The following CCDC91 variants were observed in gnomAD, a reference collection of about 807,000 sequenced individuals.
The protein encoded by CCDC91 is coiled-coil domain containing 91.
In CCDC91, 48 loss-of-function variants were observed where a neutral mutation model predicts 63.2. That is an observed-to-expected ratio of 0.76 (90% confidence interval 0.60 to 0.97). The LOEUF (loss-of-function observed/expected upper bound fraction) is 0.97, where lower values mean the gene tolerates loss of function less well. Ranked by LOEUF, CCDC91 falls within the 50% of genes least tolerant of loss-of-function variation. The pLI, the probability that CCDC91 is intolerant of heterozygous loss-of-function variation, is 0.00. For missense variants in CCDC91, 500 were observed against 494.6 expected, an observed-to-expected ratio of 1.01 and a Z score of -0.10; for synonymous variants, 167 against 165.8, an observed-to-expected ratio of 1.01 and a Z score of -0.06.
rs1241008212 is a variant in CCDC91, at chr12:28,550,029, A to G, written c.*856A>G. 2 of 152,490 alleles carry G rather than the reference A, an allele frequency of 1.3e-5. No homozygotes were observed. Among genetic ancestry groups the G allele is most frequent in the Non-Finnish European group, 2.9e-5 (2 of 67,978 alleles). 9.4% of individuals were successfully genotyped at this position (152,490 alleles called of 1,614,324 possible). On this transcript the variant is annotated 3_prime_UTR_variant, in exon 13 of 13. Coordinates refer to ENST00000536442, the MANE Select transcript of CCDC91 (RefSeq NM_018318.5). ...GATGCTTCAATGCAAAATCATGAAT[A>G]TTTTTAATTCAAAACTAAAATGTCA... is the stretch of plus-strand genomic sequence containing the variant.
intron 3 of CCDC91, among the ~76,000 whole-genome samples, chr12:28,287,793 A>T (rs893330018): frequency 9.9e-5 from 15 of 152,194 alleles, no homozygotes; most frequent in Admixed American, 3.3e-4. Context: ...TGCTTTGGGC[A>T]GTATGGCCAT....
rs372498858 is a variant in CCDC91, at chr12:28,507,544, G to C, written c.1215+23379G>C. Among the ~76,000 whole-genome samples the C allele has an allele frequency of 1.1e-4, 17 of 152,068 alleles. No homozygotes were observed. The East Asian group carries it at 2.9e-3, about 26-fold the overall frequency. On this transcript the variant is annotated intron_variant, in intron 12 of 12. Transcript: ENST00000536442. ...CCAAGGGATTTATACAAACTATTCT[G>C]AATATTTGTCAGTTGTCTTTTCTTC...
intron 3 of CCDC91, among the ~76,000 whole-genome samples, chr12:28,300,717 T>C (rs1937973661): frequency 6.6e-6 from 1 of 151,624 alleles, no homozygotes; most frequent in Non-Finnish European, 1.5e-5. Flanking sequence ...GGGATTTTTA[T>C]GATATTTAGA....
At chr12:28,409,364 T>A (rs1947171161) in intron 8 of CCDC91, among the ~76,000 whole-genome samples, 1 of 152,170 alleles carries the variant, frequency 6.6e-6, no homozygotes, top group Non-Finnish European at 1.5e-5. Context: ...TTTTCATATA[T>A]TCCCTTATCC....
chr12:28,317,851 C>T (rs569204557), intron 6 of CCDC91, among the ~76,000 whole-genome samples: 4 of 151,862 alleles, frequency 2.6e-5, no homozygotes, highest in Non-Finnish European at 5.9e-5. Context: ...TCAGTATTTG[C>T]AGATACTGAT....
At chr12:28,323,039 C>T (rs1940666689) in intron 6 of CCDC91, among the ~76,000 whole-genome samples, 1 of 150,466 alleles carries the variant, frequency 6.6e-6, no homozygotes, top group South Asian at 2.1e-4. Flanking sequence ...TTTATAAGAA[C>T]CTTTATATAT....
intron 1 of CCDC91, among the ~76,000 whole-genome samples, chr12:28,201,612 T>C (rs28392645): frequency 6.9e-6 from 1 of 144,266 alleles, no homozygotes; most frequent in Non-Finnish European, 1.5e-5. Context: ...CGCTCCTCAC[T>C]TCCCAGACGG....
intron 3 of CCDC91, among the ~76,000 whole-genome samples, chr12:28,277,969 A>G (rs568622403): frequency 6.6e-6 from 1 of 152,108 alleles, no homozygotes; most frequent in Non-Finnish European, 1.5e-5. Flanking sequence ...CTCCCGGCAC[A>G]TATTTGCAAT....
intron 7 of CCDC91, among the ~76,000 whole-genome samples, chr12:28,363,890 A>G (rs1418291183): frequency 1.3e-5 from 2 of 150,596 alleles, no homozygotes; most frequent in Admixed American, 6.6e-5. Context: ...AAAAAAAAAA[A>G]AAAAAAAAGA....
intron 12 of CCDC91, among the ~76,000 whole-genome samples, chr12:28,529,681 C>T (rs1356861178): frequency 2.6e-5 from 4 of 151,938 alleles, no homozygotes; most frequent in East Asian, 1.9e-4. Context: ...CAGTGAGACA[C>T]GATAGGATAT....
chr12:28,219,367 T>C (rs377681452), intron 1 of CCDC91, among the ~76,000 whole-genome samples: 1 of 152,120 alleles, frequency 6.6e-6, no homozygotes, highest in African/African-American at 2.4e-5. Context: ...TCAAATATTT[T>C]AGTCCAATCT....
chr12:28,499,238 C>T (rs1380987967), intron 12 of CCDC91, among the ~76,000 whole-genome samples: 5 of 151,540 alleles, frequency 3.3e-5, no homozygotes, highest in African/African-American at 1.2e-4. Context: ...CGTAAAACCA[C>T]CCTGAGCCTG....
chr12:28,397,351 G>A (rs930103479), intron 8 of CCDC91, among the ~76,000 whole-genome samples: 1 of 152,208 alleles, frequency 6.6e-6, no homozygotes. Flanking sequence ...AGTCTTTGAG[G>A]AGCTTAGATG....
intron 7 of CCDC91, among the ~76,000 whole-genome samples, chr12:28,390,488 T>C (rs1281574697): frequency 5.9e-5 from 9 of 152,116 alleles, no homozygotes; most frequent in Admixed American, 2.0e-4. Context: ...TGATATAACA[T>C]ACAAAGCTAA....
intron 12 of CCDC91, among the ~76,000 whole-genome samples, chr12:28,487,185 T>G (rs1951771100): frequency 6.6e-6 from 1 of 151,940 alleles, no homozygotes; most frequent in African/African-American, 2.4e-5. Flanking sequence ...AGGAAATTTA[T>G]TACTTCCACT....
intron 1 of CCDC91, among the ~76,000 whole-genome samples, chr12:28,235,594 T>TTA (rs1944892930): frequency 7.0e-6 from 1 of 143,862 alleles, no homozygotes; most frequent in South Asian, 2.2e-4. Context: ...CGCATAGCAT[T>TTA]AAAAAAAAAA....
chr12:28,459,983 C>G (rs1416904655), intron 11 of CCDC91, among the ~76,000 whole-genome samples: 1 of 152,090 alleles, frequency 6.6e-6, no homozygotes, highest in East Asian at 1.9e-4. Flanking sequence ...AACCTACTTT[C>G]TAATTTACAT....
intron 8 of CCDC91, among the ~76,000 whole-genome samples, chr12:28,429,977 A>G (rs574397443): frequency 4.0e-4 from 61 of 152,164 alleles, no homozygotes; most frequent in Middle Eastern, 6.8e-3. Context: ...TTCATTCTGT[A>G]TGGTACATTT....
chr12:28,220,977 T>C (rs1219021531), intron 1 of CCDC91, among the ~76,000 whole-genome samples: 3 of 152,116 alleles, frequency 2.0e-5, no homozygotes, highest in African/African-American at 7.2e-5. Flanking sequence ...TTTTATAGTG[T>C]TCATGAAATT....
Sources: allele counts gnomAD v4.1 joint callset (sites outside exome capture counted in the v4.1 genomes callset), GRCh38; gene constraint gnomAD v4.1.1; transcripts MANE v1.5; gene names NCBI Gene and HGNC (gene_info 2026-07-23, HGNC 2026-07-21).